BLTP1: variants seen among roughly 807,000 people sequenced by gnomAD.
BLTP1 encodes fragile site-associated protein.
the BLTP1 span, chr4:122,312,922 T>C: frequency 5.8e-6 from 5 of 865,136 alleles, no homozygotes; most frequent in Non-Finnish European, 6.9e-6. Context: ...TAAGGATGAC[T>C]GAGGAAGGTC....
At chr4:122,186,113 G>A in the BLTP1 span, 13 of 1,612,034 alleles carry the variant, frequency 8.1e-6, no homozygotes, top group South Asian at 1.4e-4. Flanking sequence ...GGATCTTTAT[G>A]GACGCCTTCA....
At chr4:122,308,415 A>T in the BLTP1 span, among the ~76,000 whole-genome samples, 3 of 152,008 alleles carry the variant, frequency 2.0e-5, no homozygotes, top group Non-Finnish European at 4.4e-5. Context: ...GATAACTCTT[A>T]ATTTTTACCT....
chr4:122,292,606 T>C, the BLTP1 span: 24 of 932,254 alleles, frequency 2.6e-5, no homozygotes, highest in Non-Finnish European at 2.9e-5. Flanking sequence ...GATTTCGCTC[T>C]ACTTAAGTAA....
chr4:122,353,350 T>C, the BLTP1 span: 1 of 591,572 alleles, frequency 1.7e-6, no homozygotes, highest in Non-Finnish European at 2.1e-6. This position sits in a 1 kb window ranked among gnomAD's most constrained non-coding sequence, Gnocchi z 4.3. Flanking sequence ...CCATGTTTCT[T>C]ACTTAGGCAA....
At chr4:122,280,437 T>C in the BLTP1 span, among the ~76,000 whole-genome samples, 2 of 152,154 alleles carry the variant, frequency 1.3e-5, no homozygotes, top group Non-Finnish European at 2.9e-5. Flanking sequence ...CATTAACCTT[T>C]ATTCCCTATG....
At chr4:122,286,725 T>A in the BLTP1 span, 1 of 1,614,006 alleles carries the variant, frequency 6.2e-7, no homozygotes, top group Non-Finnish European at 8.5e-7. Context: ...GGAGTATAGA[T>A]GAACTGCCTT....
At chr4:122,228,916 T>TTATTGTTTTCTAACG in the BLTP1 span, among the ~76,000 whole-genome samples, 1 of 152,222 alleles carries the variant, frequency 6.6e-6, no homozygotes, top group African/African-American at 2.4e-5. Flanking sequence ...GCATGCTTAC[T>TTATTGTTTTCTAACG]TATTGTTTTC....
chr4:122,161,480 G>T, the BLTP1 span, among the ~76,000 whole-genome samples: 3 of 151,106 alleles, frequency 2.0e-5, no homozygotes, highest in Admixed American at 6.6e-5. Flanking sequence ...ACCCAGGCTG[G>T]TATGCAGTGG....
chr4:122,223,152 T>C, the BLTP1 span: 1 of 972,456 alleles, frequency 1.0e-6, no homozygotes, highest in Non-Finnish European at 1.2e-6. Flanking sequence ...AAAATGAAAA[T>C]TGGATCAGAA....
chr4:122,211,159 A>G, the BLTP1 span: 33 of 1,385,640 alleles, frequency 2.4e-5, no homozygotes, highest in Non-Finnish European at 3.2e-5. Context: ...AATTTAATTG[A>G]AAATTGAGAC....
chr4:122,276,029 C>T, the BLTP1 span: 1 of 1,580,544 alleles, frequency 6.3e-7, no homozygotes, highest in Non-Finnish European at 8.6e-7. Context: ...TTCTGTATGT[C>T]ATATTATTCT....
chr4:122,246,506 C>A, the BLTP1 span: 1 of 594,512 alleles, frequency 1.7e-6, no homozygotes, highest in Non-Finnish European at 2.1e-6. Context: ...GTTCCACATC[C>A]ATCCAGTAAA....
the BLTP1 span, chr4:122,308,154 T>C: frequency 6.2e-7 from 1 of 1,613,068 alleles, no homozygotes; most frequent in South Asian, 1.1e-5. Context: ...TCACAAATAC[T>C]GCACAGGTAC....
the BLTP1 span, among the ~76,000 whole-genome samples, chr4:122,318,761 G>C: frequency 1.3e-5 from 2 of 152,142 alleles, no homozygotes; most frequent in African/African-American, 4.8e-5. Context: ...TTGAGTCTAG[G>C]AGTAGAAAAC....
the BLTP1 span, chr4:122,300,792 T>C: frequency 4.2e-6 from 2 of 473,292 alleles, no homozygotes; most frequent in African/African-American, 2.1e-5. Context: ...AGATTAATCA[T>C]TGTAAGAAAG....
At chr4:122,206,377 A>G in the BLTP1 span, among the ~76,000 whole-genome samples, 1 of 151,952 alleles carries the variant, frequency 6.6e-6, no homozygotes. Context: ...AATAGAATGC[A>G]GAAGAAAGTT....
At chr4:122,207,256 CAGGAAAATG>C in the BLTP1 span, 1 of 1,604,592 alleles carries the variant, frequency 6.2e-7, no homozygotes, top group East Asian at 2.2e-5. Context: ...TACTAAACAA[CAGGAAAATG>C]GTAAGACATT....
the BLTP1 span, among the ~76,000 whole-genome samples, chr4:122,300,091 T>G: frequency 6.6e-6 from 1 of 152,136 alleles, no homozygotes; most frequent in African/African-American, 2.4e-5. Context: ...CTGCAACTTC[T>G]GCCTCCTCCT....
the BLTP1 span, chr4:122,246,648 C>T: frequency 6.3e-7 from 1 of 1,582,638 alleles, no homozygotes; most frequent in Non-Finnish European, 8.6e-7. Flanking sequence ...GGTAATTTTT[C>T]ACTTGTCAGT....
Sources: gnomAD v4.1 joint callset for allele counts (sites outside exome capture counted in the v4.1 genomes callset) on GRCh38, gnomAD v4.1.1 for gene constraint, Gnocchi (gnomAD v3.1) non-coding constraint, MANE v1.5 for transcripts, NCBI Gene and HGNC (gene_info 2026-07-23, HGNC 2026-07-21) for gene names.